ATP11A: variants seen among roughly 807,000 people sequenced by gnomAD.
ATP11A encodes phospholipid-transporting ATPase IH.
Under a neutral mutation model 154.4 loss-of-function variants are expected in ATP11A, and 81 were observed. The ratio of observed to expected loss-of-function variants is 0.52; its 90% CI spans 0.44 to 0.63. The LOEUF (loss-of-function observed/expected upper bound fraction) is 0.63. ATP11A is among the 30% of genes least tolerant of loss of function. The probability of loss-of-function intolerance (pLI) is 0.00; values close to 1 mark genes in which losing one functional copy is unlikely to be tolerated. For synonymous variants in ATP11A, 623 were observed against 585.9 expected, an observed-to-expected ratio of 1.06 and a Z score of -0.91; for missense variants, 1,316 against 1,474.3, an observed-to-expected ratio of 0.89 and a Z score of 1.76.
At chr13:112,829,778 T>C (rs1276930296) in intron 12 of ATP11A, among the ~76,000 whole-genome samples, 1 of 152,210 alleles carries the variant, frequency 6.6e-6, no homozygotes, top group Non-Finnish European at 1.5e-5. Context: ...CACAATCTTA[T>C]ATATAGAAAA....
intron 1 of ATP11A, among the ~76,000 whole-genome samples, chr13:112,700,387 C>T (rs1048373356): frequency 1.2e-4 from 18 of 152,132 alleles, no homozygotes; most frequent in African/African-American, 3.4e-4. Flanking sequence ...AAGGGGCTGC[C>T]GTCCGGCATG....
intron 1 of ATP11A, among the ~76,000 whole-genome samples, chr13:112,765,114 C>G (rs1465890714): frequency 6.6e-6 from 1 of 152,116 alleles, no homozygotes; most frequent in Non-Finnish European, 1.5e-5. Context: ...GCTTCCCAGC[C>G]AGCAAAGTGC....
In ATP11A at chr13:112,716,533, G is replaced by C. The variant is rs538637518; in HGVS notation, c.39+26078G>C. Among the ~76,000 whole-genome samples, 8 of 152,302 alleles carry C rather than the reference G, an allele frequency of 5.3e-5. No individual in the cohort carries two copies. The East Asian group carries it at 1.4e-3, about 26-fold the overall frequency. On this transcript the variant is annotated intron_variant, in intron 1 of 29. Transcript: ENST00000375645. ...TGGGAGGACGGGAGCCGGGACAGAG[G>C]GGGCAAGGAGGCCTCCTGGGACTGG...
intron 29 of ATP11A, chr13:112,881,091 G>A (rs1288629755): frequency 3.6e-5 from 36 of 987,082 alleles, no homozygotes; most frequent in Non-Finnish European, 4.2e-5. Context: ...ATAGCTTGTC[G>A]CCTCTCCAAC....
Position 112,858,165 on chromosome 13 carries a change from C to G in ATP11A, c.2542C>G (p.Arg848Gly). Residue 848 changes from arginine (R) to glycine (G), a missense_variant, in exon 22 of 30, where the codon CGC becomes GGC. Transcript: ENST00000375645. ...TCTAGGTGTCATCGGCAAGGAAGGCCGCCAGGCTGCCAGGAACAGCGACTA... is the reference window on the plus strand; with the variant it reads ...TCTAGGTGTCATCGGCAAGGAAGGCGGCCAGGCTGCCAGGAACAGCGACTA... ...VGIGVIGKEG[R>G]QAARNSDYAI... The G allele has an allele frequency of 3.7e-6, 6 of 1,613,730 alleles. No individual in the cohort carries two copies. The highest frequency in any genetic ancestry group is 5.1e-6 in the Non-Finnish European group (6 of 1,179,858).
chr13:112,782,701 C>T (rs1167931856), intron 1 of ATP11A, among the ~76,000 whole-genome samples: 4 of 152,130 alleles, frequency 2.6e-5, no homozygotes, highest in East Asian at 3.9e-4. Context: ...GGCCCGTCCT[C>T]GTGGGGAGGG....
chr13:112,830,066 T>A (rs2079045603), intron 12 of ATP11A, among the ~76,000 whole-genome samples: 2 of 152,256 alleles, frequency 1.3e-5, no homozygotes, highest in Non-Finnish European at 2.9e-5. Context: ...ACAGTTGATG[T>A]GTTAATAACA....
At chr13:112,721,268 C>T (rs1889145732) in intron 1 of ATP11A, among the ~76,000 whole-genome samples, 1 of 152,128 alleles carries the variant, frequency 6.6e-6, no homozygotes, top group South Asian at 2.1e-4. Context: ...CTTTTGTTTC[C>T]TTAGCGTTAG....
intron 25 of ATP11A, among the ~76,000 whole-genome samples, chr13:112,866,772 T>G (rs2080348846): frequency 6.8e-6 from 1 of 146,794 alleles, no homozygotes; most frequent in Non-Finnish European, 1.5e-5. Context: ...ACCATTTACC[T>G]GCTTTAGTCG....
chr13:112,769,125 G>GC (rs990046732), intron 1 of ATP11A, among the ~76,000 whole-genome samples: 24 of 152,150 alleles, frequency 1.6e-4, no homozygotes, highest in Admixed American at 7.2e-4. Flanking sequence ...CCCATGGGCT[G>GC]CCCCCCGGCT....
intron 25 of ATP11A, among the ~76,000 whole-genome samples, chr13:112,870,910 G>A (rs902361219): frequency 1.3e-5 from 2 of 152,170 alleles, no homozygotes; most frequent in East Asian, 1.9e-4. Flanking sequence ...GGTCGGGCAC[G>A]CGGTCCTCAC....
At chr13:112,718,597 C>G (rs1422633943) in intron 1 of ATP11A, among the ~76,000 whole-genome samples, 1 of 151,812 alleles carries the variant, frequency 6.6e-6, no homozygotes, top group Non-Finnish European at 1.5e-5. Context: ...TAACTGCCCT[C>G]GAGAGATTGT....
chr13:112,803,199 G>A (rs1394150326), intron 2 of ATP11A, among the ~76,000 whole-genome samples: 1 of 152,200 alleles, frequency 6.6e-6, no homozygotes, highest in Non-Finnish European at 1.5e-5. Flanking sequence ...GGAAACTTGA[G>A]GCAGAGAAGT....
intron 1 of ATP11A, among the ~76,000 whole-genome samples, chr13:112,776,648 T>G (rs936617035): frequency 6.6e-6 from 1 of 152,204 alleles, no homozygotes; most frequent in African/African-American, 2.4e-5. Flanking sequence ...CAGGCTGAAA[T>G]GCAGTGGCAC....
At chr13:112,824,505 C>A in intron 10 of ATP11A, 80 bp downstream of exon 10, 1 of 1,333,808 alleles carries the variant, frequency 7.5e-7, no homozygotes, top group Non-Finnish European at 1.1e-6. Context: ...TTCCTCTTGG[C>A]CTTATTGGCA....
At position 112,831,482 on chromosome 13, in the gene ATP11A, C is replaced by A; in HGVS notation, c.1329C>A (p.Asn443Lys). ...GHVYVPHVIC[N>K]GQVLPESSGI... is the part of the protein sequence containing the mutation. ...TCTACGTGCCCCACGTCATCTGCAA[C>A]GGGCAGGTCCTCCCAGAGTCGTCAG... The change falls in exon 13 of 30, where the codon AAC becomes AAA. Residue 443 changes from asparagine (N) to lysine (K), a missense_variant. Physicochemically the swap from Asn to Lys is moderately conservative, Grantham distance 94. Coordinates refer to ENST00000375645, the MANE Select transcript of ATP11A (RefSeq NM_015205.3). The A allele has an allele frequency of 6.2e-7, 1 of 1,614,186 alleles. No homozygotes were observed. The highest frequency in any genetic ancestry group is 8.5e-7 in the Non-Finnish European group (1 of 1,180,038).
At chr13:112,737,089 A>G (rs188479430) in intron 1 of ATP11A, among the ~76,000 whole-genome samples, 134 of 152,400 alleles carry the variant, frequency 8.8e-4, no homozygotes, top group Non-Finnish European at 1.7e-3. Flanking sequence ...TTCACATTAA[A>G]TAAAATGAAC....
At chr13:112,777,088 A>G (rs1242635600) in intron 1 of ATP11A, among the ~76,000 whole-genome samples, 1 of 152,084 alleles carries the variant, frequency 6.6e-6, no homozygotes, top group Non-Finnish European at 1.5e-5. Flanking sequence ...TTTGCTCCTT[A>G]GGGAAATTTT....
At chr13:112,720,468 C>T (rs1054919341) in intron 1 of ATP11A, among the ~76,000 whole-genome samples, 1 of 152,196 alleles carries the variant, frequency 6.6e-6, no homozygotes, top group Non-Finnish European at 1.5e-5. Flanking sequence ...CTGCTGTGGC[C>T]GCGGGTCCCG....
Sources: allele counts gnomAD v4.1 joint callset (sites outside exome capture counted in the v4.1 genomes callset), GRCh38; gene constraint gnomAD v4.1.1; transcripts MANE v1.5; gene names NCBI Gene and HGNC (gene_info 2026-07-23, HGNC 2026-07-21).